Variants in DCTN1 observed in about 807,000 individuals in gnomAD.
DCTN1 encodes dynactin subunit 1.
Under a neutral mutation model 161.2 loss-of-function variants are expected in DCTN1, and 61 were observed. The observed-to-expected ratio is 0.38, with a 90% CI of 0.31 to 0.47. The LOEUF is 0.47. Ranked by LOEUF, DCTN1 falls within the 20% of genes least tolerant of loss-of-function variation. The pLI, the probability that DCTN1 is intolerant of heterozygous loss-of-function variation, is 0.99. For missense variants in DCTN1, 1,404 were observed against 1,623.7 expected, an observed-to-expected ratio of 0.86 and a Z score of 2.33; for synonymous variants, 653 against 632.4, an observed-to-expected ratio of 1.03 and a Z score of -0.49.
rs1675451328 is a variant in DCTN1, at chr2:74,380,210, G to C, written c.-173C>G. 1 of 716,878 alleles carries C rather than the reference G, an allele frequency of 1.4e-6. No homozygotes were observed. Among genetic ancestry groups the C allele is most frequent in the Non-Finnish European group, 2.5e-6 (1 of 402,568 alleles). The allele number at this position is 716,878 out of a possible 1,614,324, so 44.4% of individuals were successfully genotyped here. On this transcript the variant is annotated 5_prime_UTR_variant, in exon 1 of 32. Transcript: ENST00000628224. ...CTCGGTGGCCTACACGGGTAGGGGTGGGGGCAGTGATGGGGGCTGAGGAGC... is the reference window on the plus strand; with the variant it reads ...CTCGGTGGCCTACACGGGTAGGGGTCGGGGCAGTGATGGGGGCTGAGGAGC...
chr2:74,385,865 G>A (rs1436026851), intron 1 of DCTN1: 4 of 152,144 alleles, frequency 2.6e-5, no homozygotes, highest in Admixed American at 2.6e-4. Flanking sequence ...AAACACATAA[G>A]GTGAGTTAAT....
intron 31 of DCTN1, 121 bp downstream of exon 31, chr2:74,361,931 T>A (rs1391878341): frequency 8.9e-7 from 1 of 1,121,412 alleles, no homozygotes; most frequent in Non-Finnish European, 1.3e-6. Flanking sequence ...TTTGGCCAGA[T>A]AACCCAAGGT....
Position 74,361,342 on chromosome 2 carries a change from G to T in DCTN1, c.*157C>A. ...GGAGTGGGGGAACCCGGGTCAAGGT[G>T]AAGGGGCAGGACGCTGAAAGGGTGG... is the stretch of plus-strand genomic sequence containing the variant. On this transcript the variant is annotated 3_prime_UTR_variant, in exon 32 of 32. Transcript: ENST00000628224. The T allele has an allele frequency of 9.5e-7, 1 of 1,052,132 alleles. No individual in the cohort carries two copies. Among genetic ancestry groups the T allele is most frequent in the Non-Finnish European group, 1.4e-6 (1 of 705,288 alleles). 65.2% of individuals were successfully genotyped at this position (1,052,132 alleles called of 1,614,324 possible). A position where few individuals can be genotyped will look rare whatever the true frequency, so the allele number is the denominator to read the frequency against.
chr2:74,373,193 C>T (rs1674995878), intron 6 of DCTN1: 4 of 588,578 alleles, frequency 6.8e-6, no homozygotes, highest in Non-Finnish European at 1.2e-5. Flanking sequence ...CCTTGCAGGC[C>T]TCACCCCTTC....
rs756264433 is a variant in DCTN1 at position 74,366,492 on chromosome 2, A to G, written c.2595T>C (p.Ala865=). 1 of 1,614,134 alleles carries G rather than the reference A, an allele frequency of 6.2e-7. No homozygotes were observed. The highest frequency in any genetic ancestry group is 8.5e-7 in the Non-Finnish European group (1 of 1,179,980). Residue 865 remains alanine (A), a synonymous_variant, in exon 22 of 32, where the codon GCT becomes GCC. Transcript: ENST00000628224. The stretch of plus-strand genomic sequence containing the variant: ...TTGCTTTGAAAGCCAGTTCCTCCAG[A>G]GCAGCCACAAGTAGCCCCTCATTCT... ...LAENEGLLVA[A]LEELAFKASE... is the part of the protein sequence containing the mutation.
upstream of DCTN1, chr2:74,384,798 T>C (rs1174390317): frequency 6.6e-6 from 1 of 152,292 alleles, no homozygotes; most frequent in Admixed American, 6.5e-5. Context: ...CTTTCCCTGC[T>C]TTCCCACTCC....
chr2:74,390,908 ATAACAGTATATCCTAGTAAAAT>A, intron 1 of DCTN1, among the ~76,000 whole-genome samples: 1 of 152,326 alleles, frequency 6.6e-6, no homozygotes, highest in Non-Finnish European at 1.5e-5. Flanking sequence ...TCACCCAAGA[ATAACAGTATATCCTAGTAAAAT>A]TTTCAAAATT....
chr2:74,362,265 T>C (rs1674062974), intron 30 of DCTN1, 124 bp from the exon 31 acceptor site: 2 of 828,700 alleles, frequency 2.4e-6, no homozygotes, highest in Non-Finnish European at 2.0e-6. Flanking sequence ...TATATCAACA[T>C]ACTTTTGCTC....
At chr2:74,373,244 C>T in intron 6 of DCTN1, 1 of 482,950 alleles carries the variant, frequency 2.1e-6, no homozygotes, top group South Asian at 2.1e-5. Flanking sequence ...CTAGGCTGAG[C>T]CATAGAACAA....
At chr2:74,386,114 C>T (rs1014941170) in intron 1 of DCTN1, among the ~76,000 whole-genome samples, 12 of 152,162 alleles carry the variant, frequency 7.9e-5, no homozygotes, top group African/African-American at 2.9e-4. Context: ...CAAAAGCTGA[C>T]AGCAACAGTG....
At position 74,368,977 on chromosome 2, in the gene DCTN1, G is replaced by A. The variant is rs1674628320; in HGVS notation, c.1702-97C>T. On this transcript the variant is annotated intron_variant, in intron 15 of 31. Coordinates refer to ENST00000628224, the MANE Select transcript of DCTN1 (RefSeq NM_004082.5). ...AGTAGATCCCTTGCTTCTAGGGCAA[G>A]CCCAGGCCAGAGTCTTCCAAACCAC... The A allele has an allele frequency of 2.5e-6, 4 of 1,572,906 alleles. No individual in the cohort carries two copies. The South Asian group carries it at 4.4e-5, about 17-fold the overall frequency.
intron 1 of DCTN1, among the ~76,000 whole-genome samples, chr2:74,389,904 C>A (rs1411410348): frequency 2.6e-5 from 4 of 152,186 alleles, no homozygotes; most frequent in Admixed American, 2.6e-4. Context: ...TCTCCCCCTC[C>A]TTCCCTAGTT....
chr2:74,378,649 A>G (rs1277915681), intron 1 of DCTN1, among the ~76,000 whole-genome samples: 2 of 152,208 alleles, frequency 1.3e-5, no homozygotes, highest in Non-Finnish European at 2.9e-5. Context: ...CAGGAGTCTG[A>G]GCTGGGAAGA....
At chr2:74,367,450 T>C (rs1389593082) in intron 18 of DCTN1, 30 bp from the exon 19 acceptor site, 1 of 1,613,594 alleles carries the variant, frequency 6.2e-7, no homozygotes, top group Non-Finnish European at 8.5e-7. Flanking sequence ...AGACAACTTT[T>C]AGGCCCTGGA....
Position 74,371,915 on chromosome 2 carries a change from A to T in DCTN1, c.454-187T>A, listed in dbSNP as rs182130677. 7.8e-4 allele frequency: 470 copies of T among 600,316 alleles called. 4 individuals are homozygous for T. In the African/African-American group the frequency reaches 7.9e-3, roughly 10 times the overall value. 37.2% of individuals were successfully genotyped at this position (600,316 alleles called of 1,614,324 possible). ...CAAGGAAAATGATACAGAGAGGCAG[A>T]GAGAGATAGTGACAAAGGACAGGGG... On this transcript the variant is annotated intron_variant, in intron 7 of 31. Transcript: ENST00000628224.
At chr2:74,367,606 G>A in intron 18 of DCTN1, 90 bp downstream of exon 18, 2 of 1,586,018 alleles carry the variant, frequency 1.3e-6, no homozygotes, top group South Asian at 2.2e-5. Context: ...AGCAAGCATG[G>A]GACATACAAC....
At chr2:74,376,261 C>T (rs991086058) in intron 5 of DCTN1, among the ~76,000 whole-genome samples, 1 of 152,184 alleles carries the variant, frequency 6.6e-6, no homozygotes, top group East Asian at 1.9e-4. Context: ...CACAGGCAGG[C>T]ACATGAAGGC....
chr2:74,377,394 C>A, intron 4 of DCTN1, 38 bp downstream of exon 4: 2 of 1,579,570 alleles, frequency 1.3e-6, no homozygotes, highest in Non-Finnish European at 1.7e-6. Context: ...CCTTCCCCTC[C>A]CTTTATTATT....
intron 5 of DCTN1, 54 bp from the exon 6 acceptor site, chr2:74,374,394 C>T: frequency 6.2e-7 from 1 of 1,611,552 alleles, no homozygotes; most frequent in Non-Finnish European, 8.5e-7. Context: ...AGAGGAGGGA[C>T]AGAGGAGGAT....
Sources: allele counts gnomAD v4.1 joint callset (sites outside exome capture counted in the v4.1 genomes callset), GRCh38; gene constraint gnomAD v4.1.1; transcripts MANE v1.5; gene names NCBI Gene and HGNC (gene_info 2026-07-23, HGNC 2026-07-21).